OPCML: variants seen among roughly 807,000 people sequenced by gnomAD.
OPCML encodes the protein opioid binding protein/cell adhesion molecule like, also known as opioid-binding protein/cell adhesion molecule.
OPCML carries 13 observed loss-of-function variants against 37.8 expected under a neutral mutation model. The ratio of observed to expected loss-of-function variants is 0.34; its 90% confidence interval spans 0.22 to 0.55. The LOEUF is 0.55. OPCML is among the 20% of genes least tolerant of loss of function. The probability of loss-of-function intolerance (pLI) is 0.91; values close to 1 mark genes in which losing one functional copy is unlikely to be tolerated. For missense variants in OPCML, 341 were observed against 435.6 expected (o/e 0.78, Z 1.93); for synonymous variants, 176 against 168.8 (o/e 1.04, Z -0.33).
intron 1 of OPCML, chr11:133,422,435 T>C: frequency 1.0e-6 from 1 of 973,596 alleles, no homozygotes; most frequent in Non-Finnish European, 1.2e-6. Context: ...CACCTCTCTA[T>C]CATTGTGGAG....
At chr11:133,140,865 CGACGACGAAGAA>C (rs1949785061) in intron 1 of OPCML, among the ~76,000 whole-genome samples, 4 of 53,566 alleles carry the variant, frequency 7.5e-5, no homozygotes, top group African/African-American at 2.0e-4. Flanking sequence ...AAGAAGACGA[CGACGACGAAGAA>C]GACGACGACG....
chr11:132,843,997 G>C (rs1365546700), intron 2 of OPCML, among the ~76,000 whole-genome samples: 1 of 152,188 alleles, frequency 6.6e-6, no homozygotes, highest in African/African-American at 2.4e-5. Context: ...AATCATGGGG[G>C]CAGGTCTTTC....
chr11:132,822,984 A>C (rs563341070), intron 2 of OPCML, among the ~76,000 whole-genome samples: 6 of 152,356 alleles, frequency 3.9e-5, no homozygotes, highest in African/African-American at 1.4e-4. Flanking sequence ...TGCAAAGTGC[A>C]CTTTATGAAT....
intron 3 of OPCML, among the ~76,000 whole-genome samples, chr11:132,532,620 A>C (rs2096328839): frequency 6.6e-6 from 1 of 152,148 alleles, no homozygotes; most frequent in Admixed American, 6.5e-5. Flanking sequence ...TTGTTGATCA[A>C]TTCCCCAAAC....
At chr11:132,944,331 C>A (rs1182961991) in intron 1 of OPCML, among the ~76,000 whole-genome samples, 2 of 152,180 alleles carry the variant, frequency 1.3e-5, no homozygotes, top group Non-Finnish European at 2.9e-5. Flanking sequence ...AGCTGAACTA[C>A]CCTGCCCACG....
Position 132,818,616 on chromosome 11 carries a change from A to AGATAGATAGATAGAT in OPCML, c.146+124309_146+124310insATCTATCTATCTATC, listed in dbSNP as rs1555193683. Among the ~76,000 whole-genome samples the AGATAGATAGATAGAT allele has an allele frequency of 2.2e-3, 302 of 137,666 alleles. 1 individual carries two copies. Among genetic ancestry groups the AGATAGATAGATAGAT allele is most frequent in the South Asian group, 9.4e-3 (40 of 4,254 alleles). The allele number at this position is 137,666 out of a possible 152,430, so 90.3% of individuals were successfully genotyped here. A position where few individuals can be genotyped will look rare whatever the true frequency, so the allele number is the denominator to read the frequency against. On this transcript the variant is annotated intron_variant, in intron 2 of 7. Transcript: ENST00000524381. ...ATAGATAGATAGATAGATGATAGATAGATAGATAAACACATAGATAGATAT... is the reference window on the plus strand; with the variant it reads ...ATAGATAGATAGATAGATGATAGATAGATAGATAGATAGATGATAGATAAACACATAGATAGATAT...
chr11:133,023,535 G>A (rs1233473923), intron 1 of OPCML, among the ~76,000 whole-genome samples: 1 of 152,158 alleles, frequency 6.6e-6, no homozygotes, highest in Non-Finnish European at 1.5e-5. Flanking sequence ...GAGCCTCAAG[G>A]AAAGCCTATT....
intron 1 of OPCML, among the ~76,000 whole-genome samples, chr11:133,484,071 T>C (rs1321756779): frequency 6.8e-6 from 1 of 147,954 alleles, no homozygotes; most frequent in Non-Finnish European, 1.5e-5. Flanking sequence ...GATAGATAGA[T>C]AGATAGATAG....
chr11:132,628,809 C>T (rs1219805529), intron 3 of OPCML, among the ~76,000 whole-genome samples: 1 of 152,122 alleles, frequency 6.6e-6, no homozygotes, highest in East Asian at 1.9e-4. Flanking sequence ...TGACTTGTCA[C>T]GAGATCTGCT....
chr11:132,836,104 A>C (rs988741030), intron 2 of OPCML, among the ~76,000 whole-genome samples: 23 of 152,204 alleles, frequency 1.5e-4, no homozygotes, highest in Admixed American at 1.4e-3. Context: ...ATGCGAAATT[A>C]ACAGTGAGAA....
chr11:133,472,452 G>A (rs1947139274), intron 1 of OPCML, among the ~76,000 whole-genome samples: 1 of 152,042 alleles, frequency 6.6e-6, no homozygotes, highest in African/African-American at 2.4e-5. Flanking sequence ...CAAAGGTGGG[G>A]AAGAGGTTTC....
At chr11:132,439,451 CAGACA>C (rs1217732544) in intron 4 of OPCML, among the ~76,000 whole-genome samples, 3 of 152,186 alleles carry the variant, frequency 2.0e-5, no homozygotes. Flanking sequence ...TCTACCACAG[CAGACA>C]TAATGATCCA....
chr11:132,461,228 C>T (rs539051217), intron 4 of OPCML, among the ~76,000 whole-genome samples: 5 of 152,100 alleles, frequency 3.3e-5, no homozygotes, highest in African/African-American at 4.8e-5. Flanking sequence ...GGACTGAGGG[C>T]TCCTAGATAG....
chr11:133,363,355 T>C (rs932137313), intron 1 of OPCML, among the ~76,000 whole-genome samples: 1 of 152,132 alleles, frequency 6.6e-6, no homozygotes. Flanking sequence ...GCGCACTAGA[T>C]GGCATTGTGG....
At position 133,311,292 on chromosome 11, in the gene OPCML, A is replaced by G. The variant is rs184814344; in HGVS notation, c.61+220972T>C. On this transcript the variant is annotated intron_variant, in intron 1 of 7. Transcript: ENST00000524381. Reference sequence around the variant, plus strand: ...AATTAGGGAAGAGAGGTGGTTTACTAGGAGGGCAAAAGATGTGAGTTCAGA... The same window carrying G: ...AATTAGGGAAGAGAGGTGGTTTACTGGGAGGGCAAAAGATGTGAGTTCAGA... Among the ~76,000 whole-genome samples the G allele has an allele frequency of 1.6e-4, 24 of 152,296 alleles. No homozygotes were observed. The East Asian group carries it at 1.7e-3, about 11-fold the overall frequency.
chr11:132,827,096 A>G (rs1940394492), intron 2 of OPCML, among the ~76,000 whole-genome samples: 1 of 152,196 alleles, frequency 6.6e-6, no homozygotes, highest in Non-Finnish European at 1.5e-5. Context: ...GCCTTTTTAA[A>G]GGTCTATAAA....
intron 1 of OPCML, among the ~76,000 whole-genome samples, chr11:133,314,941 G>A (rs1368904785): frequency 6.6e-6 from 1 of 152,110 alleles, no homozygotes; most frequent in African/African-American, 2.4e-5. Flanking sequence ...CGAAATATTT[G>A]CTAAACATGA....
intron 1 of OPCML, among the ~76,000 whole-genome samples, chr11:133,276,385 TTCACTC>T (rs1941995741): frequency 6.6e-6 from 1 of 152,118 alleles, no homozygotes; most frequent in Non-Finnish European, 1.5e-5. Flanking sequence ...TTCTTCAGAC[TTCACTC>T]TCAGGAGTAG....
At chr11:132,617,976 T>C (rs972435111) in intron 3 of OPCML, among the ~76,000 whole-genome samples, 2 of 152,228 alleles carry the variant, frequency 1.3e-5, no homozygotes, top group East Asian at 1.9e-4. Context: ...CCAAGTAAGA[T>C]AACTCCAGCT....
Sources: allele counts gnomAD v4.1 joint callset (sites outside exome capture counted in the v4.1 genomes callset), GRCh38; gene constraint gnomAD v4.1.1; transcripts MANE v1.5; gene names NCBI Gene and HGNC (gene_info 2026-07-23, HGNC 2026-07-21).